The following ERBB4 variants were observed in gnomAD, a reference collection of about 807,000 sequenced individuals.
ERBB4 encodes erb-b2 receptor tyrosine kinase 4.
Under a neutral mutation model 158.0 loss-of-function variants are expected in ERBB4, and 42 were observed. The observed-to-expected ratio is 0.27, with a 90% CI of 0.21 to 0.34. ERBB4 has a LOEUF of 0.34. Among genes scored for constraint, ERBB4 ranks in the 10% least tolerant of loss-of-function variants. The pLI, the probability that ERBB4 is intolerant of heterozygous loss-of-function variation, is 1.00. For synonymous variants in ERBB4, 583 were observed against 558.7 expected (o/e 1.04, Z -0.61); for missense variants, 1,333 against 1,624.1 (o/e 0.82, Z 3.08).
intron 4 of ERBB4, among the ~76,000 whole-genome samples, chr2:211,765,023 C>G (rs1017248184): frequency 6.6e-6 from 1 of 152,108 alleles, no homozygotes; most frequent in African/African-American, 2.4e-5. Context: ...TAGTCAATAA[C>G]AGTCAGGGTG....
At chr2:211,680,495 A>C (rs1156749004) in intron 12 of ERBB4, among the ~76,000 whole-genome samples, 2 of 152,140 alleles carry the variant, frequency 1.3e-5, no homozygotes, top group Admixed American at 6.6e-5. Context: ...ATGAGATGTA[A>C]AATTTTATGG....
chr2:212,351,961 A>T (rs944478867), intron 1 of ERBB4, among the ~76,000 whole-genome samples: 3 of 152,214 alleles, frequency 2.0e-5, no homozygotes, highest in African/African-American at 7.2e-5. Context: ...TGTGATACAT[A>T]TACACTGTGG....
intron 1 of ERBB4, among the ~76,000 whole-genome samples, chr2:212,481,266 T>C (rs539911598): frequency 6.6e-6 from 1 of 152,242 alleles, no homozygotes; most frequent in Non-Finnish European, 1.5e-5. Context: ...TGACTTTGTA[T>C]ACCCATATAT....
At chr2:212,028,741 C>G (rs569507775) in intron 2 of ERBB4, among the ~76,000 whole-genome samples, 60 of 152,246 alleles carry the variant, frequency 3.9e-4, no homozygotes, top group African/African-American at 1.1e-3. Flanking sequence ...CCTGAGTTCT[C>G]TATACTTTAT....
At chr2:212,453,487 G>C (rs1688110526) in intron 1 of ERBB4, among the ~76,000 whole-genome samples, 1 of 152,134 alleles carries the variant, frequency 6.6e-6, no homozygotes, top group African/African-American at 2.4e-5. Context: ...GTTAGGTTCA[G>C]TGTTTTGTTT....
At chr2:212,004,214 C>T (rs1339032408) in intron 2 of ERBB4, among the ~76,000 whole-genome samples, 1 of 152,132 alleles carries the variant, frequency 6.6e-6, no homozygotes, top group Non-Finnish European at 1.5e-5. Context: ...ATTTTCTATA[C>T]ATTAATTGAC....
At chr2:212,237,308 T>C (rs893799563) in intron 1 of ERBB4, among the ~76,000 whole-genome samples, 3 of 152,192 alleles carry the variant, frequency 2.0e-5, no homozygotes, top group Non-Finnish European at 2.9e-5. Flanking sequence ...TTTCTATTTG[T>C]TAGTTTTCCT....
chr2:211,674,043 A>G (rs1298903987), intron 13 of ERBB4, among the ~76,000 whole-genome samples: 1 of 152,058 alleles, frequency 6.6e-6, no homozygotes, highest in Non-Finnish European at 1.5e-5. Context: ...CAACTTATGA[A>G]TTTTACAATC....
intron 12 of ERBB4, among the ~76,000 whole-genome samples, chr2:211,688,672 C>A (rs1490615632): frequency 6.6e-6 from 1 of 152,054 alleles, no homozygotes; most frequent in Admixed American, 6.5e-5. Context: ...CTTGCTGTTT[C>A]TTGTTTACAG....
Position 212,214,164 on chromosome 2 carries a change from T to C in ERBB4, c.83-89261A>G, listed in dbSNP as rs920561475. Among the ~76,000 whole-genome samples, 10 of 151,756 alleles carry C rather than the reference T, an allele frequency of 6.6e-5. No homozygotes were observed. The East Asian group carries it at 1.2e-3, about 18-fold the overall frequency. ...AATTAACACAGAATTTTTACACATA[T>C]GGGAATAATTTTTTAAAGCTACTTA... is the stretch of plus-strand genomic sequence containing the variant. On this transcript the variant is annotated intron_variant, in intron 1 of 27. Coordinates refer to ENST00000342788, the MANE Select transcript of ERBB4 (RefSeq NM_005235.3).
intron 3 of ERBB4, among the ~76,000 whole-genome samples, chr2:211,861,042 T>TATATATTTATATATATATAAATATA (rs1305941232): frequency 8.2e-5 from 1 of 12,218 alleles, no homozygotes; most frequent in African/African-American, 3.3e-4. Flanking sequence ...ATAATATATT[T>TATATATTTATATATATATAAATATA]ATATATTTAT....
At chr2:211,852,164 T>C (rs74621322) in intron 3 of ERBB4, among the ~76,000 whole-genome samples, 4,556 of 152,016 alleles carry the variant, frequency 0.03, 74 homozygotes, top group African/African-American at 0.042. Flanking sequence ...ATTCATTTAT[T>C]ACTTGCAGAT....
chr2:211,597,658 C>A (rs1028192993), intron 19 of ERBB4, among the ~76,000 whole-genome samples: 3 of 30,352 alleles, frequency 9.9e-5, no homozygotes, highest in Non-Finnish European at 1.4e-4. Context: ...TTACACAATA[C>A]AAATTCATCT....
chr2:211,594,954 CCAATCTATAATGAATTTATTGT>C (rs2125800688), intron 19 of ERBB4, among the ~76,000 whole-genome samples: 1 of 152,248 alleles, frequency 6.6e-6, no homozygotes, highest in South Asian at 2.1e-4. Flanking sequence ...ATAAATATAT[CCAATCTATAATGAATTTATTGT>C]CAATCAAATT....
At chr2:211,749,958 G>A (rs2075080823) in intron 5 of ERBB4, among the ~76,000 whole-genome samples, 2 of 151,560 alleles carry the variant, frequency 1.3e-5, no homozygotes, top group African/African-American at 4.8e-5. Context: ...TTATTCTTAA[G>A]TTTCATGAAA....
chr2:211,866,172 A>G (rs1353226986), intron 3 of ERBB4, among the ~76,000 whole-genome samples: 1 of 152,082 alleles, frequency 6.6e-6, no homozygotes, highest in East Asian at 1.9e-4. Flanking sequence ...AATCGCCTGT[A>G]CCCGGGAGGC....
chr2:211,397,909 G>A (rs989641911), intron 25 of ERBB4, among the ~76,000 whole-genome samples: 10 of 152,110 alleles, frequency 6.6e-5, no homozygotes, highest in South Asian at 6.2e-4. Flanking sequence ...GAATTCATTC[G>A]TAAAATCTTC....
chr2:211,409,990 C>G (rs189909589), intron 25 of ERBB4, among the ~76,000 whole-genome samples: 59 of 152,238 alleles, frequency 3.9e-4, no homozygotes, highest in South Asian at 2.7e-3. Flanking sequence ...TCACTTCACT[C>G]AGAGTTCATC....
At chr2:211,580,835 G>A (rs75360410) in intron 19 of ERBB4, among the ~76,000 whole-genome samples, 48,361 of 67,270 alleles carry the variant, frequency 0.72, 19,931 homozygotes, top group East Asian at 0.89. Flanking sequence ...TATATATATA[G>A]ATTATATATT....
Sources: gnomAD v4.1 joint callset for allele counts (sites outside exome capture counted in the v4.1 genomes callset) on GRCh38, gnomAD v4.1.1 for gene constraint, MANE v1.5 for transcripts, NCBI Gene and HGNC (gene_info 2026-07-23, HGNC 2026-07-21) for gene names.